Variants in NENF observed in about 807,000 individuals in gnomAD.
NENF encodes the protein neudesin.
A neutral mutation model predicts 14.8 loss-of-function variants in NENF; 6 were observed. The observed-to-expected ratio is 0.40, with a 90% confidence interval of 0.22 to 0.80. The LOEUF is 0.80. Among genes scored for constraint, NENF ranks in the 30% least tolerant of loss-of-function variants. The pLI is 0.34. For synonymous variants in NENF, 76 were observed against 95.1 expected, an observed-to-expected ratio of 0.80 and a Z score of 1.17; for missense variants, 184 against 212.7, an observed-to-expected ratio of 0.87 and a Z score of 0.84.
chr1:212,434,698 C>T (rs1228569244), intron 1 of NENF: 1 of 152,172 alleles, frequency 6.6e-6, no homozygotes, highest in Non-Finnish European at 1.5e-5. Flanking sequence ...TGGAATCTTC[C>T]TTCTAGGGAC....
chr1:212,442,050 C>CA (rs1277644876), intron 1 of NENF, among the ~76,000 whole-genome samples: 1 of 152,164 alleles, frequency 6.6e-6, no homozygotes, highest in Non-Finnish European at 1.5e-5. Context: ...CTCACTGTGT[C>CA]ACCCAGGCTG....
At chr1:212,439,378 C>CG (rs376261168) in intron 1 of NENF, among the ~76,000 whole-genome samples, 2 of 136,018 alleles carry the variant, frequency 1.5e-5, no homozygotes, top group Non-Finnish European at 3.2e-5. Flanking sequence ...ACTAAAAATA[C>CG]AAAAAAAAAA....
chr1:212,443,412 T>A (rs1378936892), intron 2 of NENF, among the ~76,000 whole-genome samples: 2 of 152,192 alleles, frequency 1.3e-5, no homozygotes, highest in Non-Finnish European at 2.9e-5. Flanking sequence ...TTTGCATCTT[T>A]AATTTTTTTT....
intron 1 of NENF, among the ~76,000 whole-genome samples, chr1:212,439,891 A>G (rs980011856): frequency 6.6e-6 from 1 of 151,784 alleles, no homozygotes; most frequent in Non-Finnish European, 1.5e-5. Context: ...AGTGTTAGTG[A>G]TAAGATGCAT....
chr1:212,433,823 G>A lies in NENF; in HGVS notation c.177+703G>A, dbSNP rs1171525669. 6.6e-6 allele frequency among the ~76,000 whole-genome samples: 1 copy of A among 152,142 alleles called. No individual in the cohort carries two copies. Among genetic ancestry groups the A allele is most frequent in the Admixed American group, 6.5e-5 (1 of 15,288 alleles). On this transcript the variant is annotated intron_variant, in intron 1 of 3. Coordinates refer to ENST00000366988, the MANE Select transcript of NENF (RefSeq NM_013349.5). This position sits in a 1 kb window ranked among gnomAD's most constrained non-coding sequence, Gnocchi z 5.5. ...TCACAACCACCTGCCCACCTGGGTTGGTTGGGACTGGAGCCGCACGACAAG... is the reference window on the plus strand; with the variant it reads ...TCACAACCACCTGCCCACCTGGGTTAGTTGGGACTGGAGCCGCACGACAAG...
chr1:212,439,647 C>A (rs555218565), intron 1 of NENF, among the ~76,000 whole-genome samples: 3 of 144,820 alleles, frequency 2.1e-5, no homozygotes, highest in African/African-American at 7.8e-5. Flanking sequence ...AGTTCTAGAC[C>A]AGCCTGGCCA....
intron 2 of NENF, 92 bp from the exon 3 acceptor site, chr1:212,444,247 G>A: frequency 1.5e-6 from 1 of 687,158 alleles, no homozygotes. Flanking sequence ...TTTAGGATTG[G>A]GTGCGGGCCT....
intron 1 of NENF, among the ~76,000 whole-genome samples, chr1:212,434,288 A>G (rs1391430619): frequency 6.6e-6 from 1 of 152,192 alleles, no homozygotes; most frequent in Non-Finnish European, 1.5e-5. Context: ...AAGAATTAAC[A>G]TGGCAGGCCT....
At chr1:212,436,812 G>C (rs753536724) in intron 1 of NENF, among the ~76,000 whole-genome samples, 19 of 151,872 alleles carry the variant, frequency 1.3e-4, no homozygotes, top group Non-Finnish European at 2.2e-4. Flanking sequence ...GCTGAGTGTG[G>C]TGGCTCACAC....
chr1:212,440,498 G>A (rs1337908767), intron 1 of NENF, among the ~76,000 whole-genome samples: 2 of 152,114 alleles, frequency 1.3e-5, no homozygotes, highest in African/African-American at 2.4e-5. Flanking sequence ...CAAATGACCC[G>A]TGTTAGATGA....
chr1:212,441,928 G>T (rs564600500), intron 1 of NENF, among the ~76,000 whole-genome samples: 2 of 152,360 alleles, frequency 1.3e-5, no homozygotes, highest in South Asian at 4.1e-4. Context: ...GTCTATTGAT[G>T]AAGAGGAAAG....
intron 3 of NENF, 84 bp downstream of exon 3, chr1:212,444,526 T>C (rs1662748337): frequency 7.4e-6 from 2 of 269,858 alleles, no homozygotes; most frequent in Non-Finnish European, 1.3e-5. Context: ...TTCGTGTGTG[T>C]GTGTGTGTGT....
chr1:212,433,028 G>A lies in NENF; in HGVS notation c.85G>A (p.Ala29Thr). 8.5e-7 allele frequency: 1 copy of A among 1,180,174 alleles called. No homozygotes were observed. The highest frequency in any genetic ancestry group is 1.0e-6 in the Non-Finnish European group (1 of 954,620). 73.1% of individuals were successfully genotyped at this position (1,180,174 alleles called of 1,614,324 possible). The change falls in exon 1 of 4, where the codon GCC (alanine) becomes ACC (threonine). Residue 29 changes from alanine to threonine, a missense_variant. Coordinates refer to ENST00000366988, the MANE Select transcript of NENF (RefSeq NM_013349.5). The surrounding 1 kb of genome is among the most constrained non-coding windows in gnomAD (Gnocchi z 5.5). Reference sequence around the variant, plus strand: ...GGCGCTGGCCCCGGGGCTGCCCACAGCCCGGGCCGGGCAGACACCGCGCCC... The same window carrying A: ...GGCGCTGGCCCCGGGGCTGCCCACAACCCGGGCCGGGCAGACACCGCGCCC... ...VLALAPGLPT[A>T]RAGQTPRPAE...
At chr1:212,439,656 C>A in intron 1 of NENF, among the ~76,000 whole-genome samples, 1 of 124,640 alleles carries the variant, frequency 8.0e-6, no homozygotes. Context: ...CCAGCCTGGC[C>A]AACATGGTGA....
At chr1:212,439,688 C>CA (rs1218927992) in intron 1 of NENF, among the ~76,000 whole-genome samples, 776 of 60,836 alleles carry the variant, frequency 0.013, 11 homozygotes, top group African/African-American at 0.031. Context: ...ACTAAATATA[C>CA]AAAAAAAAAA....
At chr1:212,442,715 C>T (rs769460726) in intron 2 of NENF, 90 bp downstream of exon 2, 19 of 893,602 alleles carry the variant, frequency 2.1e-5, no homozygotes, top group South Asian at 1.6e-4. Flanking sequence ...AGGGAGGGAA[C>T]ATTAGGCAAG....
intron 3 of NENF, 62 bp from the exon 4 acceptor site, chr1:212,445,768 C>A: frequency 6.5e-7 from 1 of 1,546,714 alleles, no homozygotes; most frequent in Non-Finnish European, 8.8e-7. Context: ...TGGAGAAAGG[C>A]CAGTGCCAAA....
chr1:212,436,643 C>T (rs1005975120), intron 1 of NENF, among the ~76,000 whole-genome samples: 13 of 152,120 alleles, frequency 8.5e-5, no homozygotes, highest in African/African-American at 2.9e-4. Flanking sequence ...TTAGGCCCAC[C>T]CAGATTATCT....
At chr1:212,435,908 G>C (rs940000518) in intron 1 of NENF, among the ~76,000 whole-genome samples, 1 of 152,056 alleles carries the variant, frequency 6.6e-6, no homozygotes, top group African/African-American at 2.4e-5. Context: ...CGATTACCAC[G>C]TATTTTGTAA....
Sources: allele counts gnomAD v4.1 joint callset (sites outside exome capture counted in the v4.1 genomes callset), GRCh38; gene constraint gnomAD v4.1.1; non-coding constraint Gnocchi (gnomAD v3.1); transcripts MANE v1.5; gene names NCBI Gene and HGNC (gene_info 2026-07-23, HGNC 2026-07-21).